IL1RAPL2: variants seen among roughly 807,000 people sequenced by gnomAD.
IL1RAPL2 encodes the protein interleukin 1 receptor accessory protein like 2, also known as X-linked interleukin-1 receptor accessory protein-like 2.
A neutral mutation model predicts 44.1 loss-of-function variants in IL1RAPL2; 3 were observed. The ratio of observed to expected loss-of-function variants is 0.07; its 90% CI spans 0.03 to 0.18. The LOEUF (loss-of-function observed/expected upper bound fraction) is 0.18. Among genes scored for constraint, IL1RAPL2 ranks in the 10% least tolerant of loss-of-function variants. The probability of loss-of-function intolerance (pLI) is 1.00; values close to 1 mark genes in which losing one functional copy is unlikely to be tolerated. For missense variants in IL1RAPL2, 391 were observed against 496.4 expected, an observed-to-expected ratio of 0.79 and a Z score of 2.02; for synonymous variants, 181 against 178.8, an observed-to-expected ratio of 1.01 and a Z score of -0.10.
In IL1RAPL2 at chrX:105,414,290, G is replaced by T. The variant is rs1277767834; in HGVS notation, c.698-70023G>T. On this transcript the variant is annotated intron_variant, in intron 5 of 10. Transcript: ENST00000372582. ...CTATAGGTGCCCACCACCATGCCCAGCTAATGTTTGTATTTTTAGTAGAGA... is the reference window on the plus strand; with the variant it reads ...CTATAGGTGCCCACCACCATGCCCATCTAATGTTTGTATTTTTAGTAGAGA... Among the ~76,000 whole-genome samples the T allele has an allele frequency of 2.7e-5, 3 of 110,702 alleles. No homozygotes were observed. In the East Asian group the frequency reaches 8.6e-4, roughly 32 times the overall value.
chrX:105,701,081 G>A (rs951926890), intron 6 of IL1RAPL2, among the ~76,000 whole-genome samples: 3 of 111,165 alleles, frequency 2.7e-5, no homozygotes, highest in Non-Finnish European at 3.8e-5. Flanking sequence ...AGGTTTGAAT[G>A]ATGGGAAAAA....
At chrX:104,898,960 AT>A (rs1165052035) in intron 2 of IL1RAPL2, among the ~76,000 whole-genome samples, 7 of 111,679 alleles carry the variant, frequency 6.3e-5, no homozygotes, top group South Asian at 3.7e-4. Flanking sequence ...TACTGCAAAT[AT>A]TTTTTTTCCC....
intron 2 of IL1RAPL2, among the ~76,000 whole-genome samples, chrX:104,989,851 T>C (rs2030629746): frequency 8.9e-6 from 1 of 112,136 alleles, no homozygotes; most frequent in Non-Finnish European, 1.9e-5. Context: ...CATTTCATTG[T>C]ATGTATGTAT....
chrX:104,755,244 C>T (rs1041962958), intron 2 of IL1RAPL2, among the ~76,000 whole-genome samples: 7 of 110,685 alleles, frequency 6.3e-5, no homozygotes, highest in Non-Finnish European at 1.3e-4. Flanking sequence ...TTATGGACTG[C>T]TTTCCCAGAG....
chrX:105,473,198 G>A (rs924698785), intron 5 of IL1RAPL2, among the ~76,000 whole-genome samples: 2 of 111,541 alleles, frequency 1.8e-5, no homozygotes, highest in Non-Finnish European at 3.8e-5. Flanking sequence ...AAATTAACCT[G>A]TCTGAACCTC....
intron 6 of IL1RAPL2, among the ~76,000 whole-genome samples, chrX:105,598,267 A>G (rs1485680310): frequency 9.0e-6 from 1 of 110,724 alleles, no homozygotes; most frequent in African/African-American, 3.3e-5. Flanking sequence ...AAAAAAGTCA[A>G]ACACATAGAA....
At chrX:104,870,420 A>G (rs1288849801) in intron 2 of IL1RAPL2, among the ~76,000 whole-genome samples, 2 of 112,845 alleles carry the variant, frequency 1.8e-5, no homozygotes, top group Non-Finnish European at 3.8e-5. Context: ...AGTGCTTACT[A>G]TGTGCCAGGC....
chrX:105,501,998 A>T (rs2036398823), intron 6 of IL1RAPL2, among the ~76,000 whole-genome samples: 1 of 112,427 alleles, frequency 8.9e-6, no homozygotes, highest in Non-Finnish European at 1.9e-5. Context: ...AGAGGAACAC[A>T]TGGATATGGG....
intron 6 of IL1RAPL2, among the ~76,000 whole-genome samples, chrX:105,591,257 G>T (rs2037169201): frequency 9.2e-6 from 1 of 108,434 alleles, no homozygotes. Flanking sequence ...AGGGTTGGTG[G>T]TAATGTTTCC....
At chrX:105,664,890 G>A (rs1480687364) in intron 6 of IL1RAPL2, among the ~76,000 whole-genome samples, 2 of 112,022 alleles carry the variant, frequency 1.8e-5, no homozygotes, top group Admixed American at 1.9e-4. Flanking sequence ...AACTCCTGCT[G>A]GAGAAAACTG....
At chrX:104,840,212 T>C (rs1315015840) in intron 2 of IL1RAPL2, among the ~76,000 whole-genome samples, 1 of 112,160 alleles carries the variant, frequency 8.9e-6, no homozygotes, top group Non-Finnish European at 1.9e-5. Context: ...GTGCTATAAA[T>C]TTCCCTCTTA....
At chrX:104,856,539 A>G (rs1922368267) in intron 2 of IL1RAPL2, among the ~76,000 whole-genome samples, 1 of 112,106 alleles carries the variant, frequency 8.9e-6, no homozygotes, top group South Asian at 3.7e-4. Context: ...AATAATTAAA[A>G]TGCCATTAAA....
chrX:104,947,532 G>T (rs1925417272), intron 2 of IL1RAPL2, among the ~76,000 whole-genome samples: 1 of 103,270 alleles, frequency 9.7e-6, no homozygotes, highest in Non-Finnish European at 2.0e-5. Flanking sequence ...TTTTCTTCTA[G>T]GGTTTTTATG....
intron 1 of IL1RAPL2, among the ~76,000 whole-genome samples, chrX:104,578,003 ATATT>A (rs1317244359): frequency 4.5e-5 from 5 of 111,799 alleles, no homozygotes; most frequent in Admixed American, 2.8e-4. Flanking sequence ...ATCTATGTAT[ATATT>A]TATGTTTCTA....
intron 2 of IL1RAPL2, among the ~76,000 whole-genome samples, chrX:105,005,517 G>T (rs1008977825): frequency 9.0e-6 from 1 of 111,263 alleles, no homozygotes; most frequent in Non-Finnish European, 1.9e-5. Flanking sequence ...TGTCTGTGAA[G>T]CACTGCTCCA....
chrX:105,347,554 C>T lies in IL1RAPL2; in HGVS notation c.697+80013C>T, dbSNP rs773528440. On this transcript the variant is annotated intron_variant, in intron 5 of 10. Coordinates refer to ENST00000372582, the MANE Select transcript of IL1RAPL2 (RefSeq NM_017416.2). The stretch of plus-strand genomic sequence containing the variant: ...CCTCCTCCCGCTCTTCCCTCTCTTC[C>T]TCCATCATCATCATCATCATCATCA... Among the ~76,000 whole-genome samples the T allele has an allele frequency of 3.4e-4, 27 of 80,195 alleles. No individual in the cohort carries two copies. In the South Asian group the frequency reaches 6.6e-3, roughly 20 times the overall value. 69.6% of individuals were successfully genotyped at this position (80,195 alleles called of 115,157 possible).
At position 104,951,861 on chromosome X, in the gene IL1RAPL2, A is replaced by C. The variant is rs376401368; in HGVS notation, c.83-243614A>C. ...CAGTAAATGGTAACTGCTAATGTCA[A>C]CTATGTGCCAGACTCTATATGCTGG... On this transcript the variant is annotated intron_variant, in intron 2 of 10. Coordinates refer to ENST00000372582, the MANE Select transcript of IL1RAPL2 (RefSeq NM_017416.2). 2.7e-5 allele frequency among the ~76,000 whole-genome samples: 3 copies of C among 112,207 alleles called. No individual in the cohort carries two copies. The East Asian group carries it at 8.4e-4, about 31-fold the overall frequency.
intron 4 of IL1RAPL2, among the ~76,000 whole-genome samples, chrX:105,240,468 T>C (rs782475167): frequency 1.8e-5 from 2 of 112,527 alleles, no homozygotes; most frequent in South Asian, 7.3e-4. Flanking sequence ...AGTCTTTTCA[T>C]TGAAGTTCCA....
chrX:105,353,161 T>A (rs1373446582), intron 5 of IL1RAPL2, among the ~76,000 whole-genome samples: 1 of 111,823 alleles, frequency 8.9e-6, no homozygotes, highest in Non-Finnish European at 1.9e-5. Flanking sequence ...GCTAGCCAGT[T>A]TTCAAGCACC....
Sources: gnomAD v4.1 joint callset for allele counts (sites outside exome capture counted in the v4.1 genomes callset) on GRCh38, gnomAD v4.1.1 for gene constraint, MANE v1.5 for transcripts, NCBI Gene and HGNC (gene_info 2026-07-23, HGNC 2026-07-21) for gene names.